Variants in SAMSN1 observed in about 807,000 individuals in gnomAD.
The protein encoded by SAMSN1 is SAM domain, SH3 domain and nuclear localization signals 1, also known as SAM domain-containing protein SAMSN-1.
Under a neutral mutation model 42.0 loss-of-function variants are expected in SAMSN1, and 31 were observed. The observed-to-expected ratio is 0.74, with a 90% CI of 0.55 to 1.00. The LOEUF is 1.00. Ranked by LOEUF, SAMSN1 falls within the 50% of genes least tolerant of loss-of-function variation. The probability of loss-of-function intolerance (pLI) is 0.00; values close to 1 mark genes in which losing one functional copy is unlikely to be tolerated. For synonymous variants in SAMSN1, 178 were observed against 151.9 expected, an observed-to-expected ratio of 1.17 and a Z score of -1.26; for missense variants, 464 against 439.4, an observed-to-expected ratio of 1.06 and a Z score of -0.50.
At position 14,486,080 on chromosome 21, in the gene SAMSN1, T is replaced by A; in HGVS notation, c.954A>T (p.Leu318=). 1 of 1,613,594 alleles carries A rather than the reference T, an allele frequency of 6.2e-7. No individual in the cohort carries two copies. Residue 318 remains leucine (L), a synonymous_variant, in exon 8 of 8, where the codon CTA becomes CTT. Coordinates refer to ENST00000400566, the MANE Select transcript of SAMSN1 (RefSeq NM_022136.5). ...TTAAGGAGATGTCTGAGCTCAAGGA[T>A]AGGGGCTCAGGTTCATTTTCTTGCT... ...IQEQENEPEP[L]SLSSDISLNK... is the part of the protein sequence containing the mutation.
chr21:14,502,146 T>A (rs2123693902), intron 5 of SAMSN1, among the ~76,000 whole-genome samples: 1 of 152,338 alleles, frequency 6.6e-6, no homozygotes, highest in Non-Finnish European at 1.5e-5. Context: ...TGAGAATGTG[T>A]GTTCTTCCAT....
intron 2 of SAMSN1, among the ~76,000 whole-genome samples, chr21:14,622,630 A>G (rs1983044908): frequency 6.6e-6 from 1 of 152,222 alleles, no homozygotes; most frequent in Non-Finnish European, 1.5e-5. Context: ...TGAAAAGACC[A>G]AATCTACATC....
intron 3 of SAMSN1, among the ~76,000 whole-genome samples, chr21:14,516,039 G>T (rs955091805): frequency 6.6e-6 from 1 of 152,102 alleles, no homozygotes; most frequent in Non-Finnish European, 1.5e-5. Flanking sequence ...AGAGAAATTG[G>T]AACCCTCATA....
intron 3 of SAMSN1, chr21:14,615,946 C>A: frequency 1.9e-6 from 1 of 514,106 alleles, no homozygotes; most frequent in South Asian, 2.9e-5. Context: ...ACTAAGGGAA[C>A]ATGAAGTTTA....
chr21:14,581,866 C>A (rs925188273), intron 2 of SAMSN1, among the ~76,000 whole-genome samples: 2 of 152,106 alleles, frequency 1.3e-5, no homozygotes, highest in African/African-American at 4.8e-5. Flanking sequence ...TTTTCTTGAT[C>A]TCAGTCAACA....
intron 1 of SAMSN1, among the ~76,000 whole-genome samples, chr21:14,532,019 A>C (rs563488737): frequency 1.3e-5 from 2 of 152,250 alleles, no homozygotes; most frequent in South Asian, 4.1e-4. Context: ...CTACTTTTAA[A>C]TGAGTGTGTC....
intron 1 of SAMSN1, among the ~76,000 whole-genome samples, chr21:14,536,189 G>C (rs34665130): frequency 0.023 from 3,452 of 152,146 alleles, 60 homozygotes; most frequent in Non-Finnish European, 0.032. Flanking sequence ...ATTTGGAAAC[G>C]GATATGTAAA....
chr21:14,602,103 A>T, intron 5 of SAMSN1: 1 of 657,754 alleles, frequency 1.5e-6, no homozygotes. Context: ...TTTAGATCTA[A>T]GAAAAGAGAT....
intron 2 of SAMSN1, among the ~76,000 whole-genome samples, chr21:14,554,042 T>C (rs1015186267): frequency 6.6e-6 from 1 of 152,316 alleles, no homozygotes; most frequent in African/African-American, 2.4e-5. Context: ...TTTCATTTAT[T>C]TGACCTTTTG....
intron 6 of SAMSN1, among the ~76,000 whole-genome samples, chr21:14,596,219 T>A (rs1470955662): frequency 6.6e-6 from 1 of 151,794 alleles, no homozygotes; most frequent in Non-Finnish European, 1.5e-5. Flanking sequence ...GCATTCCATT[T>A]TAATAACCTG....
chr21:14,580,582 A>C (rs1426529076), intron 2 of SAMSN1, among the ~76,000 whole-genome samples: 1 of 152,210 alleles, frequency 6.6e-6, no homozygotes, highest in African/African-American at 2.4e-5. Context: ...AAGATTAAAG[A>C]AGAAGGAGGA....
intron 1 of SAMSN1, among the ~76,000 whole-genome samples, chr21:14,530,917 A>G (rs1474658821): frequency 2.0e-5 from 3 of 152,224 alleles, no homozygotes; most frequent in Non-Finnish European, 4.4e-5. Context: ...TACAAAAAAT[A>G]TACATTATTC....
intron 2 of SAMSN1, among the ~76,000 whole-genome samples, chr21:14,568,513 G>T (rs565032993): frequency 6.6e-6 from 1 of 152,300 alleles, no homozygotes; most frequent in South Asian, 2.1e-4. Flanking sequence ...CTTCCCCCCA[G>T]TGATGGCTTA....
At chr21:14,487,783 A>T (rs528639417) in intron 7 of SAMSN1, among the ~76,000 whole-genome samples, 2 of 152,296 alleles carry the variant, frequency 1.3e-5, no homozygotes, top group South Asian at 4.1e-4. Flanking sequence ...TTAACTATAG[A>T]TTCAAATATC....
intron 1 of SAMSN1, among the ~76,000 whole-genome samples, chr21:14,525,991 G>A (rs1457020814): frequency 3.3e-5 from 5 of 151,964 alleles, no homozygotes; most frequent in South Asian, 2.1e-4. Context: ...CAGCCCCCCC[G>A]AGTAGCTGGG....
At chr21:14,600,968 G>C (rs1466611732) in intron 6 of SAMSN1, among the ~76,000 whole-genome samples, 1 of 152,166 alleles carries the variant, frequency 6.6e-6, no homozygotes, top group African/African-American at 2.4e-5. Flanking sequence ...ACCAGACATA[G>C]AACTATAGTG....
chr21:14,577,280 ATATATTTTTT>A (rs1981533084), intron 2 of SAMSN1, among the ~76,000 whole-genome samples: 1 of 48,416 alleles, frequency 2.1e-5, no homozygotes, highest in African/African-American at 1.3e-4. Context: ...ATATATATAT[ATATATTTTTT>A]TTTTAGAAGA....
chr21:14,540,339 A>G (rs903720959), intron 1 of SAMSN1, among the ~76,000 whole-genome samples: 5 of 152,252 alleles, frequency 3.3e-5, no homozygotes, highest in Non-Finnish European at 7.3e-5. Context: ...AGAAACTACC[A>G]TCAGAATGAA....
At chr21:14,573,273 A>G (rs933244351) in intron 2 of SAMSN1, among the ~76,000 whole-genome samples, 5 of 152,232 alleles carry the variant, frequency 3.3e-5, no homozygotes, top group African/African-American at 1.2e-4. Context: ...TCACCCATCC[A>G]TTTTTTCAAA....
Sources: allele counts gnomAD v4.1 joint callset (sites outside exome capture counted in the v4.1 genomes callset), GRCh38; gene constraint gnomAD v4.1.1; transcripts MANE v1.5; gene names NCBI Gene and HGNC (gene_info 2026-07-23, HGNC 2026-07-21).